The following OPHN1 variants were observed in gnomAD, a reference collection of about 807,000 sequenced individuals.
OPHN1 encodes oligophrenin-1.
In OPHN1, 11 loss-of-function variants were observed where a neutral mutation model predicts 60.7. That is an observed-to-expected ratio of 0.18 (90% CI 0.11 to 0.30). The LOEUF is 0.30. Among genes scored for constraint, OPHN1 ranks in the 10% least tolerant of loss-of-function variants. The probability of loss-of-function intolerance (pLI) is 1.00; values close to 1 mark genes in which losing one functional copy is unlikely to be tolerated. For synonymous variants in OPHN1, 226 were observed against 222.6 expected (o/e 1.02, Z -0.14); for missense variants, 449 against 611.0 (o/e 0.73, Z 2.80).
At chrX:68,173,720 A>G (rs1490937794) in intron 15 of OPHN1, among the ~76,000 whole-genome samples, 1 of 111,515 alleles carries the variant, frequency 9.0e-6, no homozygotes. Flanking sequence ...AATATGGTAC[A>G]TTAATGACTC....
intron 15 of OPHN1, among the ~76,000 whole-genome samples, chrX:68,167,165 G>A (rs1007006088): frequency 1.8e-5 from 2 of 111,603 alleles, no homozygotes; most frequent in African/African-American, 6.5e-5. Context: ...GGTATATAAG[G>A]AGCTCAAACT....
chrX:68,090,242 CTG>C (rs10549357), intron 19 of OPHN1, among the ~76,000 whole-genome samples: 6,604 of 97,691 alleles, frequency 0.068, 487 homozygotes, highest in African/African-American at 0.2. Flanking sequence ...GTGTGTGTGT[CTG>C]TGTGTGTGTG....
At chrX:68,187,713 T>C (rs745479601) in intron 15 of OPHN1, among the ~76,000 whole-genome samples, 21 of 110,593 alleles carry the variant, frequency 1.9e-4, no homozygotes, top group Admixed American at 1.1e-3. Flanking sequence ...CTGCAAGCTC[T>C]GCCTCCCAGG....
chrX:68,287,169 GAA>G (rs1316838639), intron 3 of OPHN1, among the ~76,000 whole-genome samples: 1 of 93,635 alleles, frequency 1.1e-5, no homozygotes, highest in Non-Finnish European at 2.1e-5. Flanking sequence ...AAGAAAGAAA[GAA>G]AGAAAGAAAG....
At chrX:68,135,275 A>G (rs746571620) in intron 15 of OPHN1, among the ~76,000 whole-genome samples, 4 of 108,778 alleles carry the variant, frequency 3.7e-5, no homozygotes, top group Non-Finnish European at 7.5e-5. Context: ...TAACAAGCTT[A>G]GTTGCAAACA....
At chrX:68,186,540 C>T (rs2077463406) in intron 15 of OPHN1, among the ~76,000 whole-genome samples, 1 of 109,416 alleles carries the variant, frequency 9.1e-6, no homozygotes, top group Non-Finnish European at 1.9e-5. Context: ...AGACTGAGTA[C>T]AGAACAAGTT....
At chrX:68,252,372 T>C (rs2077840400) in intron 5 of OPHN1, among the ~76,000 whole-genome samples, 1 of 112,217 alleles carries the variant, frequency 8.9e-6, no homozygotes, top group Admixed American at 9.5e-5. Context: ...CTGGCAATAA[T>C]ACTGTCTTAA....
intron 2 of OPHN1, among the ~76,000 whole-genome samples, chrX:68,431,136 A>C (rs1389140014): frequency 8.9e-6 from 1 of 111,811 alleles, no homozygotes; most frequent in Non-Finnish European, 1.9e-5. Context: ...CCTTTCCGTG[A>C]ACTCTCACCT....
At chrX:68,067,614 G>A (rs972731758) in intron 20 of OPHN1, among the ~76,000 whole-genome samples, 1 of 111,182 alleles carries the variant, frequency 9.0e-6, no homozygotes, top group Non-Finnish European at 1.9e-5. Flanking sequence ...AGAAAGACTG[G>A]TGGCAGAAAG....
chrX:68,166,159 G>C (rs2077357459), intron 15 of OPHN1, among the ~76,000 whole-genome samples: 1 of 112,403 alleles, frequency 8.9e-6, no homozygotes, highest in Non-Finnish European at 1.9e-5. Flanking sequence ...AGATTCATTA[G>C]ATATGAAACC....
chrX:68,360,994 G>A (rs922884890), intron 2 of OPHN1: 2 of 111,513 alleles, frequency 1.8e-5, no homozygotes, highest in African/African-American at 3.3e-5. Context: ...ATAGTGTAGC[G>A]TTATTTGAAA....
chrX:68,382,441 T>C (rs946599317), intron 2 of OPHN1, among the ~76,000 whole-genome samples: 2 of 111,873 alleles, frequency 1.8e-5, no homozygotes, highest in African/African-American at 6.5e-5. Context: ...CCAGTTTGGA[T>C]AGGAACAAGT....
At chrX:68,219,488 C>T (rs1000097427) in intron 6 of OPHN1, among the ~76,000 whole-genome samples, 1 of 108,540 alleles carries the variant, frequency 9.2e-6, no homozygotes, top group Non-Finnish European at 1.9e-5. Flanking sequence ...TTTTTCTCAG[C>T]ACCACACCAC....
At chrX:68,155,199 C>T (rs1011024879) in intron 15 of OPHN1, among the ~76,000 whole-genome samples, 1 of 111,935 alleles carries the variant, frequency 8.9e-6, no homozygotes, top group Non-Finnish European at 1.9e-5. Context: ...CAGATCACTA[C>T]ATAAATCAGT....
chrX:68,230,685 G>A (rs1173093898), intron 6 of OPHN1, among the ~76,000 whole-genome samples: 2 of 102,437 alleles, frequency 2.0e-5, no homozygotes, highest in Non-Finnish European at 3.9e-5. Context: ...AATACTACAT[G>A]TTTTCACTCA....
At chrX:68,056,137 G>A (rs1372550908) in intron 21 of OPHN1, among the ~76,000 whole-genome samples, 2 of 111,027 alleles carry the variant, frequency 1.8e-5, no homozygotes, top group Non-Finnish European at 3.8e-5. Context: ...TCCTCACAAG[G>A]TGATTTTAAG....
At chrX:68,240,442 A>AAT (rs757441619) in intron 5 of OPHN1, among the ~76,000 whole-genome samples, 15 of 111,187 alleles carry the variant, frequency 1.3e-4, no homozygotes, top group African/African-American at 4.6e-4. Flanking sequence ...CAATATCTTT[A>AAT]ATATATATCC....
chrX:68,267,839 T>C (rs1442067593), intron 5 of OPHN1, among the ~76,000 whole-genome samples: 3 of 111,496 alleles, frequency 2.7e-5, no homozygotes, highest in African/African-American at 9.8e-5. Context: ...CAACAAAAAA[T>C]GATAAAGGGG....
At chrX:68,173,972 C>CT (rs1345342590) in intron 15 of OPHN1, among the ~76,000 whole-genome samples, 2 of 111,965 alleles carry the variant, frequency 1.8e-5, no homozygotes, top group Non-Finnish European at 1.9e-5. Flanking sequence ...CAAAAAAGGA[C>CT]TTTTGGGGTA....
Sources: gnomAD v4.1 joint callset for allele counts (sites outside exome capture counted in the v4.1 genomes callset) on GRCh38, gnomAD v4.1.1 for gene constraint, MANE v1.5 for transcripts, NCBI Gene and HGNC (gene_info 2026-07-23, HGNC 2026-07-21) for gene names.